Variants in ATP9A observed in about 807,000 individuals in gnomAD.
The protein encoded by ATP9A is ATPase phospholipid transporting 9A, also known as probable phospholipid-transporting ATPase IIA.
In ATP9A, 52 loss-of-function variants were observed where a neutral mutation model predicts 144.1. The observed-to-expected ratio is 0.36, with a 90% confidence interval of 0.29 to 0.45. ATP9A has a LOEUF of 0.45. Among genes scored for constraint, ATP9A ranks in the 20% least tolerant of loss-of-function variants. The pLI, the probability that ATP9A is intolerant of heterozygous loss-of-function variation, is 1.00. For synonymous variants in ATP9A, 582 were observed against 557.4 expected (o/e 1.04, Z -0.62); for missense variants, 947 against 1,392.7 (o/e 0.68, Z 5.09).
At chr20:51,730,103 T>C (rs1366495708) in intron 1 of ATP9A, 125 bp from the exon 2 acceptor site, 3 of 1,066,662 alleles carry the variant, frequency 2.8e-6, no homozygotes, top group African/African-American at 3.3e-5. Flanking sequence ...ACAGCCATAT[T>C]TGAGGCTTCA....
rs370788094 is a variant in ATP9A, at chr20:51,768,030, C to T, written c.68+272G>A. On this transcript the variant is annotated intron_variant, in intron 1 of 27. Transcript: ENST00000338821. ...CGCGAGTGTGTAAACAGCACTGGGG[C>T]GGGCCCGGCTTCTCGGGGTTTCTAA... is the stretch of plus-strand genomic sequence containing the variant. 2.2e-4 allele frequency among the ~76,000 whole-genome samples: 33 copies of T among 152,212 alleles called. No homozygotes were observed. In the East Asian group the frequency reaches 5.7e-3, roughly 26 times the overall value.
intron 9 of ATP9A, among the ~76,000 whole-genome samples, chr20:51,676,919 T>C (rs946036712): frequency 2.2e-4 from 8 of 36,552 alleles, no homozygotes; most frequent in East Asian, 5.6e-4. Context: ...CCCAGTCTCT[T>C]TTTTTTTTTT....
At chr20:51,730,062 T>C in intron 1 of ATP9A, 84 bp from the exon 2 acceptor site, 5 of 1,352,650 alleles carry the variant, frequency 3.7e-6, no homozygotes, top group Non-Finnish European at 3.8e-6. Flanking sequence ...CAGATTGCTT[T>C]TCTCTACAGC....
intron 1 of ATP9A, among the ~76,000 whole-genome samples, chr20:51,763,375 C>G (rs536877190): frequency 1.3e-5 from 2 of 149,904 alleles, no homozygotes; most frequent in East Asian, 2.0e-4. Flanking sequence ...TGCAGTGGCG[C>G]GATCTCGGCT....
intron 8 of ATP9A, among the ~76,000 whole-genome samples, chr20:51,689,572 C>T (rs1401003519): frequency 6.6e-6 from 1 of 150,418 alleles, no homozygotes; most frequent in African/African-American, 2.4e-5. Context: ...GAGTCTCGCT[C>T]TGCCACCCAG....
chr20:51,607,700 C>A, intron 25 of ATP9A, 116 bp from the exon 26 acceptor site: 2 of 756,646 alleles, frequency 2.6e-6, no homozygotes. Flanking sequence ...CTGTCTTCAT[C>A]AATAAAGTGG....
At chr20:51,675,655 G>C (rs2077473849) in intron 10 of ATP9A, among the ~76,000 whole-genome samples, 2 of 152,316 alleles carry the variant, frequency 1.3e-5, no homozygotes, top group South Asian at 4.1e-4. Context: ...CGAGGAGGGA[G>C]GATCACTTGA....
At chr20:51,659,019 C>T (rs562021470) in intron 13 of ATP9A, among the ~76,000 whole-genome samples, 1 of 151,922 alleles carries the variant, frequency 6.6e-6, no homozygotes, top group Non-Finnish European at 1.5e-5. Flanking sequence ...GCCATGCTGG[C>T]CTTTCTGTTC....
In ATP9A at chr20:51,680,082, T is replaced by C. The variant is rs375837841; in HGVS notation, c.800-3874A>G. 2.9e-4 allele frequency among the ~76,000 whole-genome samples: 44 copies of C among 151,716 alleles called. 1 individual carries two copies. The highest frequency in any genetic ancestry group is 1.4e-3 in the East Asian group (7 of 5,154). Reference sequence around the variant, plus strand: ...CCGTCTCCACTAAAAATATAAAAATTATACAGGCGTGGTGATGGGCACCTG... The same window carrying C: ...CCGTCTCCACTAAAAATATAAAAATCATACAGGCGTGGTGATGGGCACCTG... On this transcript the variant is annotated intron_variant, in intron 9 of 27. Transcript: ENST00000338821.
At chr20:51,642,003 CTTCT>C (rs11468738) in intron 14 of ATP9A, among the ~76,000 whole-genome samples, 37,493 of 151,560 alleles carry the variant, frequency 0.25, 4,894 homozygotes, top group Non-Finnish European at 0.28. Flanking sequence ...CCTTCCTTTT[CTTCT>C]TTCTTGATTT....
chr20:51,644,703 C>T (rs141330277), intron 14 of ATP9A, among the ~76,000 whole-genome samples: 183 of 152,038 alleles, frequency 1.2e-3, no homozygotes, highest in African/African-American at 4.2e-3. Context: ...GCTAAAAAAC[C>T]CTGACTAAAT....
At chr20:51,667,308 C>T (rs2077436874) in intron 13 of ATP9A, among the ~76,000 whole-genome samples, 2 of 152,010 alleles carry the variant, frequency 1.3e-5, no homozygotes, top group Non-Finnish European at 1.5e-5. Context: ...AGCAACATGG[C>T]ATGGGTGTAA....
chr20:51,660,688 C>T (rs1330824935), intron 13 of ATP9A, among the ~76,000 whole-genome samples: 2 of 152,214 alleles, frequency 1.3e-5, no homozygotes, highest in African/African-American at 4.8e-5. Context: ...CATGCGCATA[C>T]ATCCTTAAGG....
intron 15 of ATP9A, among the ~76,000 whole-genome samples, chr20:51,629,783 C>T (rs1210079023): frequency 6.6e-6 from 1 of 152,214 alleles, no homozygotes; most frequent in African/African-American, 2.4e-5. Flanking sequence ...AATGCTTGGA[C>T]CAAGTACCAG....
At chr20:51,616,619 C>A (rs2077203917) in intron 22 of ATP9A, among the ~76,000 whole-genome samples, 4 of 151,964 alleles carry the variant, frequency 2.6e-5, no homozygotes, top group Admixed American at 1.3e-4. Context: ...GCTTCCAGCC[C>A]TTCACACACA....
At chr20:51,621,891 G>T (rs2077228302) in intron 19 of ATP9A, among the ~76,000 whole-genome samples, 183 bp downstream of exon 19, 1 of 152,162 alleles carries the variant, frequency 6.6e-6, no homozygotes, top group African/African-American at 2.4e-5. Context: ...ACTACTGGAA[G>T]AAACTCTCCA....
At chr20:51,604,659 C>T (rs1453474222) in intron 27 of ATP9A, among the ~76,000 whole-genome samples, 158 bp downstream of exon 27, 1 of 152,212 alleles carries the variant, frequency 6.6e-6, no homozygotes, top group Non-Finnish European at 1.5e-5. Flanking sequence ...CCCTAGAGAA[C>T]ACCTGTTAAG....
intron 1 of ATP9A, among the ~76,000 whole-genome samples, chr20:51,767,174 A>T: frequency 6.6e-6 from 1 of 151,400 alleles, no homozygotes; most frequent in Non-Finnish European, 1.5e-5. Context: ...ACGCTGCAAT[A>T]AGCGGCCGCC....
intron 14 of ATP9A, among the ~76,000 whole-genome samples, chr20:51,654,061 A>G (rs187873026): frequency 6.6e-5 from 10 of 152,274 alleles, no homozygotes; most frequent in Non-Finnish European, 1.3e-4. Context: ...CACAAGTCCA[A>G]GTAGATCAGG....
Sources: gnomAD v4.1 joint callset for allele counts (sites outside exome capture counted in the v4.1 genomes callset) on GRCh38, gnomAD v4.1.1 for gene constraint, MANE v1.5 for transcripts, NCBI Gene and HGNC (gene_info 2026-07-23, HGNC 2026-07-21) for gene names.